The following NRXN3 variants were observed in gnomAD, a reference collection of about 807,000 sequenced individuals.
NRXN3 encodes neurexin III.
NRXN3 carries 32 observed loss-of-function variants against 137.6 expected under a neutral mutation model. That is an observed-to-expected ratio of 0.23 (90% CI 0.18 to 0.31). The LOEUF (loss-of-function observed/expected upper bound fraction) is 0.31. NRXN3 is among the 10% of genes least tolerant of loss of function. The pLI is 1.00. For missense variants in NRXN3, 1,574 were observed against 2,062.5 expected, an observed-to-expected ratio of 0.76 and a Z score of 4.59; for synonymous variants, 798 against 784.5, an observed-to-expected ratio of 1.02 and a Z score of -0.29.
At chr14:78,759,280 A>T (rs574102660) in intron 8 of NRXN3, among the ~76,000 whole-genome samples, 2 of 152,342 alleles carry the variant, frequency 1.3e-5, no homozygotes, top group East Asian at 3.9e-4. Flanking sequence ...AACAAGAATG[A>T]TAACAACGAC....
At chr14:78,849,608 G>T (rs952616934) in intron 10 of NRXN3, among the ~76,000 whole-genome samples, 1 of 151,980 alleles carries the variant, frequency 6.6e-6, no homozygotes, top group Non-Finnish European at 1.5e-5. Context: ...AAAATGTTCT[G>T]TTCTATGTGA....
intron 4 of NRXN3, among the ~76,000 whole-genome samples, chr14:78,391,986 C>A (rs2090843067): frequency 6.6e-6 from 1 of 151,732 alleles, no homozygotes; most frequent in Admixed American, 6.6e-5. Context: ...TGTGACAAGT[C>A]CTGTGCTAAA....
chr14:78,632,686 A>G (rs1024050935), intron 4 of NRXN3, among the ~76,000 whole-genome samples: 2 of 152,224 alleles, frequency 1.3e-5, no homozygotes, highest in African/African-American at 4.8e-5. Context: ...TAAGAAATAT[A>G]CAAAGTATCC....
chr14:79,708,742 T>TGGGTTGTCTAGAGAGCTTGTTCTGTTAG (rs2098791282), intron 19 of NRXN3, among the ~76,000 whole-genome samples: 1 of 152,134 alleles, frequency 6.6e-6, no homozygotes, highest in Non-Finnish European at 1.5e-5. Flanking sequence ...ATTAATGCCT[T>TGGGTTGTCTAGAGAGCTTGTTCTGTTAG]GGGTTGTCTA....
Position 78,415,267 on chromosome 14 carries a change from G to A in NRXN3, c.757+117407G>A, listed in dbSNP as rs201936302. ...ATACAAAATGCCTATCATGTAAAAAGCACTTAGTCTTTACCAGTTATTTTA... is the reference window on the plus strand; with the variant it reads ...ATACAAAATGCCTATCATGTAAAAAACACTTAGTCTTTACCAGTTATTTTA... On this transcript the variant is annotated intron_variant, in intron 4 of 20. Coordinates refer to ENST00000335750, the MANE Select transcript of NRXN3 (RefSeq NM_001330195.2). 4.6e-5 allele frequency among the ~76,000 whole-genome samples: 7 copies of A among 152,146 alleles called. No individual in the cohort carries two copies. In the East Asian group the frequency reaches 1.3e-3, roughly 29 times the overall value.
intron 15 of NRXN3, among the ~76,000 whole-genome samples, chr14:79,008,269 G>A (rs118030642): frequency 0.016 from 2,415 of 152,204 alleles, 38 homozygotes; most frequent in Middle Eastern, 0.031. Flanking sequence ...TTAAAGTTTT[G>A]AAAAATTTCA....
chr14:79,279,590 C>G (rs1360916363), intron 15 of NRXN3: 1 of 986,838 alleles, frequency 1.0e-6, no homozygotes, highest in African/African-American at 1.7e-5. Flanking sequence ...TTCTTATTCT[C>G]TTCCTCTGGC....
At chr14:78,993,764 G>A (rs2099523742) in intron 15 of NRXN3, among the ~76,000 whole-genome samples, 1 of 149,812 alleles carries the variant, frequency 6.7e-6, no homozygotes, top group African/African-American at 2.4e-5. Flanking sequence ...AATGGCAGCT[G>A]TCCCCAGGGT....
rs146127168 is a variant in NRXN3, at chr14:79,652,632, A to G, written c.3445-11146A>G. 9.8e-3 allele frequency among the ~76,000 whole-genome samples: 1,497 copies of G among 152,198 alleles called. 23 individuals carry two copies. The highest frequency in any genetic ancestry group is 0.034 in the African/African-American group (1,421 of 41,538). The stretch of plus-strand genomic sequence containing the variant: ...GCACATAGCTTTGAAATAATTCTCA[A>G]TGCTAGTATGGTGGACTCTTTTCAA... On this transcript the variant is annotated intron_variant, in intron 16 of 20. Transcript: ENST00000335750.
intron 4 of NRXN3, among the ~76,000 whole-genome samples, chr14:78,483,521 C>T (rs1470574699): frequency 6.6e-6 from 1 of 152,202 alleles, no homozygotes; most frequent in Non-Finnish European, 1.5e-5. Context: ...AAACCGTGTT[C>T]ACTATTATCC....
chr14:79,848,085 A>T (rs897519157), intron 20 of NRXN3, among the ~76,000 whole-genome samples: 1 of 152,176 alleles, frequency 6.6e-6, no homozygotes, highest in African/African-American at 2.4e-5. Flanking sequence ...AATACAAAAA[A>T]ATAGCACATC....
At position 78,293,552 on chromosome 14, in the gene NRXN3, A is replaced by G. The variant is rs553125450; in HGVS notation, c.728-4279A>G. 9.9e-5 allele frequency among the ~76,000 whole-genome samples: 15 copies of G among 152,120 alleles called. No homozygotes were observed. The South Asian group carries it at 2.3e-3, about 23-fold the overall frequency. On this transcript the variant is annotated intron_variant, in intron 3 of 20. Transcript: ENST00000335750. ...CTCATCCATCACTGAAGCCTGTTCA[A>G]TCCTCTTTTTTCTTTTCTTTCCCAC... is the stretch of plus-strand genomic sequence containing the variant.
chr14:78,803,241 G>A (rs1379449963), intron 8 of NRXN3, among the ~76,000 whole-genome samples: 2 of 152,136 alleles, frequency 1.3e-5, no homozygotes, highest in African/African-American at 4.8e-5. Context: ...GGGATTCTAA[G>A]TTTTGTTTTA....
chr14:78,529,158 A>T (rs988136634), intron 4 of NRXN3, among the ~76,000 whole-genome samples: 2 of 152,206 alleles, frequency 1.3e-5, no homozygotes, highest in African/African-American at 2.4e-5. Context: ...CAGGGAAAAA[A>T]GTGTAGCGTC....
intron 20 of NRXN3, among the ~76,000 whole-genome samples, chr14:79,819,735 G>A (rs995747425): frequency 7.9e-5 from 12 of 151,666 alleles, no homozygotes; most frequent in Non-Finnish European, 1.3e-4. Context: ...TGCCCCCCTC[G>A]GCCTCCCAAA....
intron 4 of NRXN3, among the ~76,000 whole-genome samples, chr14:78,493,770 C>T (rs2095713885): frequency 6.6e-6 from 1 of 152,064 alleles, no homozygotes; most frequent in Non-Finnish European, 1.5e-5. Context: ...AAGCCCCCAA[C>T]CTCAGTACAT....
At chr14:78,537,480 T>G (rs932951763) in intron 4 of NRXN3, among the ~76,000 whole-genome samples, 12 of 152,366 alleles carry the variant, frequency 7.9e-5, no homozygotes, top group African/African-American at 2.9e-4. Context: ...TGTGAATTTG[T>G]TTGAGTTCTT....
intron 4 of NRXN3, among the ~76,000 whole-genome samples, chr14:78,564,497 A>G (rs996698210): frequency 1.3e-5 from 2 of 152,120 alleles, no homozygotes; most frequent in Non-Finnish European, 2.9e-5. Flanking sequence ...TTGTTTAGAA[A>G]TTTACCAGGC....
At chr14:79,451,376 A>T (rs1450208664) in intron 15 of NRXN3, among the ~76,000 whole-genome samples, 2 of 152,152 alleles carry the variant, frequency 1.3e-5, no homozygotes, top group African/African-American at 4.8e-5. Context: ...TAATAAACAT[A>T]ATATGATTTT....
Sources: allele counts gnomAD v4.1 joint callset (sites outside exome capture counted in the v4.1 genomes callset), GRCh38; gene constraint gnomAD v4.1.1; transcripts MANE v1.5; gene names NCBI Gene and HGNC (gene_info 2026-07-23, HGNC 2026-07-21).